CAMKK1: variants seen among roughly 807,000 people sequenced by gnomAD.
CAMKK1 encodes calcium/calmodulin-dependent protein kinase kinase 1.
CAMKK1 carries 20 observed loss-of-function variants against 63.5 expected under a neutral mutation model. That is an observed-to-expected ratio of 0.32 (90% CI 0.22 to 0.46). CAMKK1 has a LOEUF of 0.46. CAMKK1 is among the 20% of genes least tolerant of loss of function. The probability of loss-of-function intolerance (pLI) is 1.00; values close to 1 mark genes in which losing one functional copy is unlikely to be tolerated. For synonymous variants in CAMKK1, 253 were observed against 269.0 expected (o/e 0.94, Z 0.58); for missense variants, 588 against 658.1 (o/e 0.89, Z 1.17).
intron 12 of CAMKK1, 85 bp downstream of exon 12, chr17:3,872,469 G>C: frequency 9.0e-7 from 1 of 1,113,318 alleles, no homozygotes; most frequent in Non-Finnish European, 1.4e-6. Context: ...GCTGGGGTGG[G>C]GTCCTCAGAG....
In CAMKK1 at chr17:3,862,778, T is replaced by C. The variant is rs2054373695; in HGVS notation, c.1446-495A>G. Among the ~76,000 whole-genome samples the C allele has an allele frequency of 6.6e-6, 1 of 152,120 alleles. No homozygotes were observed. The highest frequency in any genetic ancestry group is 2.1e-4 in the South Asian group (1 of 4,822). On this transcript the variant is annotated intron_variant, in intron 15 of 15. Transcript: ENST00000348335. This position sits in a 1 kb window ranked among gnomAD's most constrained non-coding sequence, Gnocchi z 4.1. Reference sequence around the variant, plus strand: ...CTGAGTAGCTGAGACTACAGGCACATGCCACCACGCCCAGCTAATTTTTGT... The same window carrying C: ...CTGAGTAGCTGAGACTACAGGCACACGCCACCACGCCCAGCTAATTTTTGT...
intron 9 of CAMKK1, among the ~76,000 whole-genome samples, chr17:3,878,416 AG>A (rs2143852984): frequency 6.6e-6 from 1 of 152,294 alleles, no homozygotes; most frequent in East Asian, 1.9e-4. Context: ...TTCTTTGTGG[AG>A]GCTAGGGGAT....
chr17:3,880,511 G>A, intron 8 of CAMKK1, 77 bp from the exon 9 acceptor site: 1 of 1,101,970 alleles, frequency 9.1e-7, no homozygotes, highest in Non-Finnish European at 1.4e-6. Flanking sequence ...GGACGTCCCG[G>A]GAAACCTGTG....
intron 10 of CAMKK1, among the ~76,000 whole-genome samples, chr17:3,874,518 C>G (rs950687447): frequency 6.6e-6 from 1 of 152,104 alleles, no homozygotes; most frequent in Non-Finnish European, 1.5e-5. Context: ...ATTACAGGTG[C>G]CTGCCACCAT....
chr17:3,881,946 T>C, intron 7 of CAMKK1: 4 of 541,724 alleles, frequency 7.4e-6, no homozygotes, highest in South Asian at 4.9e-5. Context: ...CTAAAGGTCA[T>C]AGCAGACAGG....
chr17:3,873,988 G>A (rs56054638), intron 10 of CAMKK1, among the ~76,000 whole-genome samples: 22,571 of 151,990 alleles, frequency 0.15, 2,952 homozygotes, highest in African/African-American at 0.34. Flanking sequence ...GCCTCCCCGC[G>A]CCCTGGACTC....
Position 3,861,986 on chromosome 17 carries a change from A to C in CAMKK1, c.*225T>G. ...CAGGCCAAGGAGGTCCAAGAAGAGG[A>C]GGATGGCCTCGTGGGAGCCCTGCCC... On this transcript the variant is annotated 3_prime_UTR_variant, in exon 16 of 16. Transcript: ENST00000348335. 1.7e-6 allele frequency: 1 copy of C among 578,836 alleles called. No individual in the cohort carries two copies. Among genetic ancestry groups the C allele is most frequent in the Non-Finnish European group, 3.1e-6 (1 of 322,468 alleles). The allele number at this position is 578,836 out of a possible 1,614,324, so 35.9% of individuals were successfully genotyped here.
chr17:3,874,294 T>G (rs573328253), intron 10 of CAMKK1, among the ~76,000 whole-genome samples: 2 of 152,316 alleles, frequency 1.3e-5, no homozygotes, highest in East Asian at 3.9e-4. Context: ...TCGATTGGAT[T>G]CCGGGACCAG....
rs1051474803 is a variant in CAMKK1 at position 3,885,000 on chromosome 17, G to A, written c.360+328C>T. 6.6e-6 allele frequency among the ~76,000 whole-genome samples: 1 copy of A among 152,198 alleles called. No individual in the cohort carries two copies. Among genetic ancestry groups the A allele is most frequent in the East Asian group, 1.9e-4 (1 of 5,196 alleles). On this transcript the variant is annotated intron_variant, in intron 2 of 15. Coordinates refer to ENST00000348335, the MANE Select transcript of CAMKK1 (RefSeq NM_032294.3). The surrounding 1 kb of genome is among the most constrained non-coding windows in gnomAD (Gnocchi z 4.5). ...CTAAGAGGCAGAATTAGAGGCGAGG[G>A]GTGCAAGCTGGAGAAGAGTTAGGGG...
intron 11 of CAMKK1, 85 bp from the exon 12 acceptor site, chr17:3,872,712 C>T (rs2054946394): frequency 2.6e-6 from 3 of 1,150,348 alleles, no homozygotes; most frequent in South Asian, 2.5e-5. Context: ...TTGGTGGGGG[C>T]AGGGGTAGGG....
At chr17:3,888,996 T>C (rs1372337620) in intron 1 of CAMKK1, among the ~76,000 whole-genome samples, 2 of 152,114 alleles carry the variant, frequency 1.3e-5, no homozygotes, top group Admixed American at 6.5e-5. Context: ...GATGTGTGTG[T>C]GCGCAGGTGT....
In CAMKK1 at chr17:3,883,828, C is replaced by T. The variant is rs1411687912; in HGVS notation, c.462+56G>A. ...TCCTAAGCACAACTCCTGCCCCACC[C>T]CTCAGGCTTCCAGGGCCTGGCTTGG... On this transcript the variant is annotated intron_variant, in intron 4 of 15. Coordinates refer to ENST00000348335, the MANE Select transcript of CAMKK1 (RefSeq NM_032294.3). The surrounding 1 kb of genome is among the most constrained non-coding windows in gnomAD (Gnocchi z 4.7). 1 of 1,574,116 alleles carries T rather than the reference C, an allele frequency of 6.4e-7. No homozygotes were observed. The highest frequency in any genetic ancestry group is 1.3e-5 in the African/African-American group (1 of 74,092).
At chr17:3,886,129 T>C (rs1000718433) in intron 1 of CAMKK1, among the ~76,000 whole-genome samples, 1 of 152,146 alleles carries the variant, frequency 6.6e-6, no homozygotes, top group African/African-American at 2.4e-5. Flanking sequence ...TCCCAACCCT[T>C]GACAGCAGAG....
At chr17:3,881,687 G>C in intron 7 of CAMKK1, 39 bp from the exon 8 acceptor site, 1 of 1,553,390 alleles carries the variant, frequency 6.4e-7, no homozygotes, top group Non-Finnish European at 8.7e-7. Context: ...TAGCTGGCTG[G>C]CAAAGCAGCC....
At position 3,887,105 on chromosome 17, in the gene CAMKK1, C is replaced by T. The variant is rs1177688862; in HGVS notation, c.-43-1375G>A. ...CAGCGAGGCAGGGCTGGCTGGAGTCCACCGGCCACTGAGGAGCCAGGACTG... is the reference window on the plus strand; with the variant it reads ...CAGCGAGGCAGGGCTGGCTGGAGTCTACCGGCCACTGAGGAGCCAGGACTG... On this transcript the variant is annotated intron_variant, in intron 1 of 15. Coordinates refer to ENST00000348335, the MANE Select transcript of CAMKK1 (RefSeq NM_032294.3). This position sits in a 1 kb window ranked among gnomAD's most constrained non-coding sequence, Gnocchi z 6.1. Among the ~76,000 whole-genome samples, 1 of 152,096 alleles carries T rather than the reference C, an allele frequency of 6.6e-6. No individual in the cohort carries two copies. Among genetic ancestry groups the T allele is most frequent in the Non-Finnish European group, 1.5e-5 (1 of 68,010 alleles).
At chr17:3,874,869 C>T (rs1232077008) in intron 10 of CAMKK1, among the ~76,000 whole-genome samples, 2 of 151,720 alleles carry the variant, frequency 1.3e-5, no homozygotes, top group East Asian at 3.9e-4. Flanking sequence ...CACCTGTAAT[C>T]CCAGCACTTT....
chr17:3,865,986 T>C lies in CAMKK1; in HGVS notation c.1367A>G (p.Lys456Arg), dbSNP rs1399087661. 3 of 1,614,148 alleles carry C rather than the reference T, an allele frequency of 1.9e-6. No individual in the cohort carries two copies. The highest frequency in any genetic ancestry group is 2.2e-5 in the East Asian group (1 of 44,884). ...TVILVKSMLR[K>R]RSFGNPFEPQ... is the part of the protein sequence containing the mutation. ...CTCAAACGGGTTCCCAAAGGAACGC[T>C]TCCTCAGCATGGACTTCACCAGGAT... The change falls in exon 15 of 16, where the codon AAG becomes AGG. Residue 456 changes from lysine (K) to arginine (R), a missense_variant. This residue lies in a region of CAMKK1 where 226 missense variants were observed against 229.2 expected (regional missense o/e 0.99). Transcript: ENST00000348335.
rs1408089745 is a variant in CAMKK1 at position 3,884,582 on chromosome 17, G to C, written c.361-155C>G. 6.6e-6 allele frequency among the ~76,000 whole-genome samples: 1 copy of C among 152,206 alleles called. No homozygotes were observed. The highest frequency in any genetic ancestry group is 1.5e-5 in the Non-Finnish European group (1 of 68,040). ...TTTGAGTTTGGATGGGGAAGTTGGT[G>C]GTGCCATCGCCCCCGTATGTGACGA... On this transcript the variant is annotated intron_variant, in intron 2 of 15. Transcript: ENST00000348335. The surrounding 1 kb of genome is among the most constrained non-coding windows in gnomAD (Gnocchi z 4.5).
intron 10 of CAMKK1, among the ~76,000 whole-genome samples, chr17:3,875,485 C>T (rs1487270488): frequency 6.6e-6 from 1 of 151,766 alleles, no homozygotes; most frequent in East Asian, 1.9e-4. Flanking sequence ...TGGGGTCTTG[C>T]TATGTTGCCC....
Sources: gnomAD v4.1 joint callset for allele counts (sites outside exome capture counted in the v4.1 genomes callset) on GRCh38, gnomAD v4.1.1 for gene constraint, gnomAD v4.1.1 regional missense constraint, Gnocchi (gnomAD v3.1) non-coding constraint, MANE v1.5 for transcripts, NCBI Gene and HGNC (gene_info 2026-07-23, HGNC 2026-07-21) for gene names.